The following TMEM232 variants were observed in gnomAD, a reference collection of about 807,000 sequenced individuals.
TMEM232 encodes the protein transmembrane protein 232.
A neutral mutation model predicts 78.8 loss-of-function variants in TMEM232; 80 were observed. The ratio of observed to expected loss-of-function variants is 1.01; its 90% CI spans 0.85 to 1.22. The LOEUF is 1.22. Among genes scored for constraint, TMEM232 ranks in the 50% most tolerant of loss-of-function variants. TMEM232 has a pLI of 0.00. For synonymous variants in TMEM232, 297 were observed against 254.3 expected, an observed-to-expected ratio of 1.17 and a Z score of -1.60; for missense variants, 881 against 742.2, an observed-to-expected ratio of 1.19 and a Z score of -2.17.
At chr5:110,419,164 T>C (rs535774924), downstream of TMEM232, among the ~76,000 whole-genome samples, 3 of 132,360 alleles carry the variant, frequency 2.3e-5, no homozygotes, top group East Asian at 2.3e-4. Flanking sequence ...TGGTCTTCTA[T>C]AGATTTTTTT....
At chr5:110,535,725 A>G (rs1009072915) in intron 11 of TMEM232, among the ~76,000 whole-genome samples, 8 of 152,206 alleles carry the variant, frequency 5.3e-5, no homozygotes, top group African/African-American at 1.9e-4. Flanking sequence ...ATGAATGAGT[A>G]AACAAATGGA....
chr5:110,452,502 C>T (rs1420073326), intron 12 of TMEM232, among the ~76,000 whole-genome samples: 1 of 152,120 alleles, frequency 6.6e-6, no homozygotes, highest in African/African-American at 2.4e-5. Context: ...TGAACCAGGT[C>T]AGTGTAGATC....
intron 12 of TMEM232, among the ~76,000 whole-genome samples, chr5:110,464,504 G>A (rs1761868259): frequency 6.6e-6 from 1 of 152,134 alleles, no homozygotes; most frequent in Admixed American, 6.5e-5. Flanking sequence ...GTTGCAATTG[G>A]AAGAATGCCA....
At chr5:110,499,608 G>A (rs901932593) in intron 12 of TMEM232, among the ~76,000 whole-genome samples, 1 of 143,606 alleles carries the variant, frequency 7.0e-6, no homozygotes, top group African/African-American at 2.9e-5. Flanking sequence ...GAAAAGAGAG[G>A]GGAAAAATAT....
chr5:110,703,157 T>C (rs1386960021), intron 1 of TMEM232, among the ~76,000 whole-genome samples: 2 of 151,990 alleles, frequency 1.3e-5, no homozygotes, highest in Non-Finnish European at 2.9e-5. Flanking sequence ...TAGCTATGTT[T>C]AAAAGAAATT....
chr5:110,561,067 AT>A (rs1302556584), intron 11 of TMEM232, among the ~76,000 whole-genome samples: 2 of 152,306 alleles, frequency 1.3e-5, no homozygotes, highest in African/African-American at 4.8e-5. Flanking sequence ...AAGCAAAATT[AT>A]TACATAAAAT....
chr5:110,612,086 T>C (rs1580358397), intron 8 of TMEM232, among the ~76,000 whole-genome samples: 3 of 152,300 alleles, frequency 2.0e-5, no homozygotes, highest in Middle Eastern at 3.4e-3. Context: ...AGGGAAGATC[T>C]ACAGTCTAAC....
Position 110,642,384 on chromosome 5 carries a change from T to C in TMEM232, c.126-13A>G, listed in dbSNP as rs995275553. 2.4e-5 allele frequency: 36 copies of C among 1,480,208 alleles called. No individual in the cohort carries two copies. Among genetic ancestry groups the C allele is most frequent in the Admixed American group, 1.9e-4 (7 of 37,736 alleles). 91.7% of individuals were successfully genotyped at this position (1,480,208 alleles called of 1,614,324 possible). On this transcript the variant is annotated splice_polypyrimidine_tract_variant and intron_variant, in intron 2 of 13. Transcript: ENST00000455884. ...TGAAAATGTTGGCCTAAATAAAACA[T>C]TGAAAAATTAACATTTAAAAAGTAT...
At chr5:110,412,710 A>C (rs1333794329) in intron 2 of TMEM232, among the ~76,000 whole-genome samples, 1 of 152,110 alleles carries the variant, frequency 6.6e-6, no homozygotes, top group African/African-American at 2.4e-5. Context: ...TTGTTTTATA[A>C]ATTTCTAATG....
chr5:110,566,186 T>C (rs1051545610), intron 11 of TMEM232, among the ~76,000 whole-genome samples: 1 of 151,928 alleles, frequency 6.6e-6, no homozygotes, highest in Non-Finnish European at 1.5e-5. Flanking sequence ...CTTTTATTTT[T>C]CTAAATGTAC....
At chr5:110,520,865 C>T (rs1769398671) in intron 12 of TMEM232, among the ~76,000 whole-genome samples, 1 of 152,112 alleles carries the variant, frequency 6.6e-6, no homozygotes, top group African/African-American at 2.4e-5. Flanking sequence ...TTGTGGTAAG[C>T]CAAGATCGCA....
chr5:110,440,282 G>T (rs1195207372), intron 12 of TMEM232, among the ~76,000 whole-genome samples: 2 of 152,092 alleles, frequency 1.3e-5, no homozygotes, highest in Non-Finnish European at 2.9e-5. Flanking sequence ...AATTGAAACT[G>T]GTTGCTCCCT....
At chr5:110,551,229 G>T (rs1220762060) in intron 11 of TMEM232, among the ~76,000 whole-genome samples, 1 of 147,338 alleles carries the variant, frequency 6.8e-6, no homozygotes, top group African/African-American at 2.5e-5. Context: ...GTTTGTTTTT[G>T]TTTGTTTGTT....
intron 1 of TMEM232, among the ~76,000 whole-genome samples, chr5:110,682,129 T>G (rs1179886771): frequency 6.6e-6 from 1 of 152,182 alleles, no homozygotes; most frequent in East Asian, 1.9e-4. Flanking sequence ...TTTACATCAC[T>G]GTCAAGAAGT....
chr5:110,496,827 A>G (rs933027685), intron 12 of TMEM232, among the ~76,000 whole-genome samples: 2 of 152,108 alleles, frequency 1.3e-5, no homozygotes, highest in African/African-American at 4.8e-5. Flanking sequence ...GTTTGATCCT[A>G]AAGAATATAA....
At chr5:110,587,012 C>T (rs1046595909) in intron 10 of TMEM232, among the ~76,000 whole-genome samples, 12 of 151,846 alleles carry the variant, frequency 7.9e-5, no homozygotes, top group Admixed American at 2.0e-4. Context: ...GTGGGAAAAT[C>T]GCAAGTTATA....
At chr5:110,557,334 G>C (rs1460988766) in intron 11 of TMEM232, among the ~76,000 whole-genome samples, 1 of 125,996 alleles carries the variant, frequency 7.9e-6, no homozygotes, top group African/African-American at 2.8e-5. Context: ...GAATCTTATT[G>C]ATCTCCTTGG....
intron 11 of TMEM232, among the ~76,000 whole-genome samples, chr5:110,536,922 A>C (rs1238945980): frequency 6.6e-6 from 1 of 152,126 alleles, no homozygotes; most frequent in Non-Finnish European, 1.5e-5. Flanking sequence ...CTTAAGAAAC[A>C]CTCATAATGG....
At chr5:110,388,810 G>A (rs528536769) in intron 4 of TMEM232, among the ~76,000 whole-genome samples, 67 of 152,164 alleles carry the variant, frequency 4.4e-4, no homozygotes, top group Non-Finnish European at 8.1e-4. Flanking sequence ...ATGCAGAATC[G>A]GGGTGGGGGC....
Sources: allele counts gnomAD v4.1 joint callset (sites outside exome capture counted in the v4.1 genomes callset), GRCh38; gene constraint gnomAD v4.1.1; transcripts MANE v1.5; gene names NCBI Gene and HGNC (gene_info 2026-07-23, HGNC 2026-07-21).